Variants in SORCS1 observed in about 807,000 individuals in gnomAD.
SORCS1 encodes VPS10 domain-containing receptor SorCS1.
SORCS1 carries 60 observed loss-of-function variants against 146.1 expected under a neutral mutation model. The ratio of observed to expected loss-of-function variants is 0.41; its 90% CI spans 0.33 to 0.51. SORCS1 has a LOEUF of 0.51. SORCS1 is among the 20% of genes least tolerant of loss of function. The pLI is 0.21. For missense variants in SORCS1, 1,352 were observed against 1,487.6 expected (o/e 0.91, Z 1.50); for synonymous variants, 637 against 584.0 (o/e 1.09, Z -1.31).
intron 12 of SORCS1, 78 bp downstream of exon 12, chr10:106,679,178 A>C: frequency 9.3e-7 from 1 of 1,079,832 alleles, no homozygotes. Context: ...CGCTGAAAAA[A>C]GTTCCCAGAT....
intron 2 of SORCS1, among the ~76,000 whole-genome samples, chr10:106,843,429 C>CTTTTTT (rs141378677): frequency 1.1e-4 from 13 of 116,802 alleles, no homozygotes; most frequent in Non-Finnish European, 1.6e-4. Context: ...GCAGGATTTC[C>CTTTTTT]TTTTTTTTTT....
intron 19 of SORCS1, among the ~76,000 whole-genome samples, chr10:106,621,653 G>A (rs1391230289): frequency 1.3e-5 from 2 of 151,806 alleles, no homozygotes; most frequent in Non-Finnish European, 2.9e-5. Context: ...CAAGGACCCT[G>A]TTATTTCCCT....
chr10:106,627,050 T>C (rs982874140), intron 19 of SORCS1, among the ~76,000 whole-genome samples: 2 of 152,248 alleles, frequency 1.3e-5, no homozygotes, highest in African/African-American at 4.8e-5. Context: ...GAAACTGGTT[T>C]CTTTTAGAAG....
At chr10:106,928,063 C>A (rs2418826) in intron 2 of SORCS1, among the ~76,000 whole-genome samples, 3 of 152,124 alleles carry the variant, frequency 2.0e-5, no homozygotes, top group Admixed American at 1.3e-4. Flanking sequence ...CCCGCACCGG[C>A]GCTGCATGTG....
intron 1 of SORCS1, among the ~76,000 whole-genome samples, chr10:107,061,005 T>G (rs1027667895): frequency 6.6e-6 from 1 of 152,146 alleles, no homozygotes; most frequent in Non-Finnish European, 1.5e-5. Flanking sequence ...CAGATATATC[T>G]ATGAGTAAAA....
chr10:106,749,974 C>G (rs984987073), intron 5 of SORCS1, among the ~76,000 whole-genome samples: 1 of 152,162 alleles, frequency 6.6e-6, no homozygotes, highest in Non-Finnish European at 1.5e-5. Flanking sequence ...CCAATTTTTA[C>G]ACATTAAACA....
chr10:107,088,195 A>AT (rs921341375), intron 1 of SORCS1, among the ~76,000 whole-genome samples: 3 of 150,374 alleles, frequency 2.0e-5, no homozygotes, highest in African/African-American at 4.9e-5. Context: ...GCCTGAATTT[A>AT]TTTTTTTTAA....
chr10:106,705,984 C>CA (rs1321033132), intron 8 of SORCS1, among the ~76,000 whole-genome samples: 6 of 152,170 alleles, frequency 3.9e-5, no homozygotes, highest in African/African-American at 1.4e-4. Flanking sequence ...GGTGCCACGT[C>CA]ACGGCATCAC....
At chr10:106,931,481 G>A (rs1329256706) in intron 2 of SORCS1, among the ~76,000 whole-genome samples, 2 of 152,182 alleles carry the variant, frequency 1.3e-5, no homozygotes, top group Non-Finnish European at 1.5e-5. Flanking sequence ...AATAAGGACA[G>A]GAAACTGTTT....
intron 6 of SORCS1, among the ~76,000 whole-genome samples, chr10:106,710,182 C>T (rs1854868147): frequency 6.6e-6 from 1 of 152,186 alleles, no homozygotes. Flanking sequence ...GGAGCTGTGG[C>T]TCATGCCTGT....
chr10:107,134,839 G>C (rs944179027), intron 1 of SORCS1, among the ~76,000 whole-genome samples: 2 of 152,178 alleles, frequency 1.3e-5, no homozygotes, highest in Non-Finnish European at 2.9e-5. Context: ...AACTCTCGTT[G>C]CTCAGATGAT....
At chr10:107,177,214 TC>T in the SORCS1 span, among the ~76,000 whole-genome samples, 1 of 152,204 alleles carries the variant, frequency 6.6e-6, no homozygotes, top group African/African-American at 2.4e-5. Context: ...CTAAAGTCTG[TC>T]TTTTAAAACA....
chr10:106,911,883 T>C (rs369704655), intron 2 of SORCS1, among the ~76,000 whole-genome samples: 3 of 151,884 alleles, frequency 2.0e-5, no homozygotes, highest in Admixed American at 1.3e-4. Flanking sequence ...GAGGCTGAGG[T>C]GGGTGGATCA....
chr10:106,632,374 C>T (rs141245474), intron 18 of SORCS1, among the ~76,000 whole-genome samples: 1,744 of 152,290 alleles, frequency 0.011, 17 homozygotes, highest in Non-Finnish European at 0.017. Context: ...GGTAAGGCTA[C>T]GGCCACTGTA....
intron 1 of SORCS1, among the ~76,000 whole-genome samples, chr10:107,000,403 T>C (rs955921087): frequency 1.3e-5 from 2 of 150,016 alleles, no homozygotes; most frequent in African/African-American, 4.9e-5. Context: ...ATCGAGATCA[T>C]CCTGGCCAGC....
intron 6 of SORCS1, among the ~76,000 whole-genome samples, chr10:106,715,404 C>T (rs913684045): frequency 6.6e-6 from 1 of 152,298 alleles, no homozygotes; most frequent in South Asian, 2.1e-4. Context: ...CCCATCCACC[C>T]AAAACCTGTG....
chr10:106,761,653 G>A lies in SORCS1; in HGVS notation c.894C>T (p.Ser298=). 1 of 1,614,082 alleles carries A rather than the reference G, an allele frequency of 6.2e-7. No individual in the cohort carries two copies. Among genetic ancestry groups the A allele is most frequent in the South Asian group, 1.1e-5 (1 of 91,080 alleles). Residue 298 remains serine, a synonymous_variant, in exon 5 of 26, where the codon AGC becomes AGT. Transcript: ENST00000263054. ...LAYSQDQKLY[S]SAEFGRRWQL... is the part of the protein sequence containing the mutation. ...GCCATCTTCTCCCAAATTCAGCAGAGCTGTATAACTGTAAAGAACAGAAAT... is the reference window on the plus strand; with the variant it reads ...GCCATCTTCTCCCAAATTCAGCAGAACTGTATAACTGTAAAGAACAGAAAT...
chr10:106,803,229 T>A (rs556359083), intron 3 of SORCS1, among the ~76,000 whole-genome samples: 1 of 152,306 alleles, frequency 6.6e-6, no homozygotes, highest in South Asian at 2.1e-4. Context: ...AAAATCGTGG[T>A]TCAAGAATGA....
At chr10:106,729,110 T>C (rs1333708774) in intron 6 of SORCS1, among the ~76,000 whole-genome samples, 1 of 152,232 alleles carries the variant, frequency 6.6e-6, no homozygotes, top group Non-Finnish European at 1.5e-5. Context: ...CTGGTGTTAG[T>C]AGGTCAGGCA....
Sources: allele counts gnomAD v4.1 joint callset (sites outside exome capture counted in the v4.1 genomes callset), GRCh38; gene constraint gnomAD v4.1.1; transcripts MANE v1.5; gene names NCBI Gene and HGNC (gene_info 2026-07-23, HGNC 2026-07-21).